Variants in NBEA observed in about 807,000 individuals in gnomAD.
NBEA encodes the protein neurobeachin.
In NBEA, 44 loss-of-function variants were observed where a neutral mutation model predicts 343.4. The ratio of observed to expected loss-of-function variants is 0.13; its 90% CI spans 0.10 to 0.16. The LOEUF (loss-of-function observed/expected upper bound fraction) is 0.16. Ranked by LOEUF, NBEA falls within the 10% of genes least tolerant of loss-of-function variation. The pLI is 1.00. For synonymous variants in NBEA, 1,175 were observed against 1,238.7 expected (o/e 0.95, Z 1.08); for missense variants, 2,555 against 3,631.3 (o/e 0.70, Z 7.62).
chr13:35,156,412 T>C (rs1376296179), intron 20 of NBEA, among the ~76,000 whole-genome samples: 2 of 152,142 alleles, frequency 1.3e-5, no homozygotes, highest in East Asian at 3.8e-4. Flanking sequence ...GTGGATATTA[T>C]ATTTTAATTG....
rs76567256 is a variant in NBEA at position 35,528,205 on chromosome 13, C to A, written c.6586-22272C>A. 1.5e-3 allele frequency among the ~76,000 whole-genome samples: 232 copies of A among 151,768 alleles called. 7 individuals carry two copies. In the East Asian group the frequency reaches 0.037, roughly 24 times the overall value. On this transcript the variant is annotated intron_variant, in intron 41 of 58. Transcript: ENST00000379939. ...TTATGATGACATTTAATAGAAGGGC[C>A]AGGCCACTCACATAGATTTTCAGAA...
intron 1 of NBEA, among the ~76,000 whole-genome samples, chr13:35,011,928 G>A (rs572327954): frequency 6.6e-6 from 1 of 152,146 alleles, no homozygotes; most frequent in South Asian, 2.1e-4. Flanking sequence ...GTATTGCTCT[G>A]ATATTTAGCA....
intron 46 of NBEA, 152 bp from the exon 47 acceptor site, chr13:35,593,176 G>A: frequency 1.5e-6 from 1 of 688,344 alleles, no homozygotes; most frequent in East Asian, 3.2e-5. Flanking sequence ...GCCCAGACAG[G>A]CATCTCCTAC....
intron 48 of NBEA, among the ~76,000 whole-genome samples, chr13:35,626,084 C>T (rs183450045): frequency 7.3e-4 from 111 of 152,194 alleles, no homozygotes; most frequent in Admixed American, 4.4e-3. Flanking sequence ...CCATGAGAAG[C>T]AATGGGCTAG....
At chr13:35,628,355 C>A in intron 49 of NBEA, 107 bp downstream of exon 49, 1 of 840,976 alleles carries the variant, frequency 1.2e-6, no homozygotes, top group Non-Finnish European at 1.7e-6. Flanking sequence ...TAACTTCTTA[C>A]AAAACAGATT....
intron 1 of NBEA, among the ~76,000 whole-genome samples, chr13:34,962,669 A>G (rs1199972227): frequency 6.6e-6 from 1 of 152,082 alleles, no homozygotes; most frequent in African/African-American, 2.4e-5. Context: ...TTTCTTAATG[A>G]AATAAACAAC....
chr13:35,376,504 C>G (rs1475727256), intron 38 of NBEA, among the ~76,000 whole-genome samples: 5 of 152,128 alleles, frequency 3.3e-5, no homozygotes, highest in Non-Finnish European at 5.9e-5. Flanking sequence ...AGTGACAACT[C>G]TTATTTCAGC....
At chr13:35,536,515 T>C (rs1222502692) in intron 41 of NBEA, among the ~76,000 whole-genome samples, 1 of 152,184 alleles carries the variant, frequency 6.6e-6, no homozygotes, top group African/African-American at 2.4e-5. Flanking sequence ...TGTGTGTGTA[T>C]TGGTCCTGTT....
intron 55 of NBEA, among the ~76,000 whole-genome samples, chr13:35,656,939 C>A (rs982744317): frequency 1.3e-5 from 2 of 152,142 alleles, no homozygotes; most frequent in African/African-American, 4.8e-5. Flanking sequence ...TGTTACATTG[C>A]GTGGCTGGCT....
rs560215661 is a variant in NBEA, at chr13:35,420,587, A to T, written c.6180-11682A>T. Among the ~76,000 whole-genome samples the T allele has an allele frequency of 4.6e-5, 7 of 152,122 alleles. No individual in the cohort carries two copies. The South Asian group carries it at 1.4e-3, about 32-fold the overall frequency. On this transcript the variant is annotated intron_variant, in intron 38 of 58. Coordinates refer to ENST00000379939, the MANE Select transcript of NBEA (RefSeq NM_001385012.1). ...TCTGGAAGAGATTATGTATAATTGG[A>T]GTTAATTCTTCTTTAAATGTTTAAT...
At position 35,097,243 on chromosome 13, in the gene NBEA, C is replaced by T. The variant is rs544714057; in HGVS notation, c.1572-1054C>T. 3.3e-5 allele frequency among the ~76,000 whole-genome samples: 5 copies of T among 151,820 alleles called. No homozygotes were observed. The South Asian group carries it at 1.0e-3, about 32-fold the overall frequency. On this transcript the variant is annotated intron_variant, in intron 10 of 58. Transcript: ENST00000379939. Reference sequence around the variant, plus strand: ...TCAAAAATTAGAATAACTTCAGATTCCTTTTGGGCTTTAATAATTTTCAAG... The same window carrying T: ...TCAAAAATTAGAATAACTTCAGATTTCTTTTGGGCTTTAATAATTTTCAAG...
intron 38 of NBEA, among the ~76,000 whole-genome samples, chr13:35,400,915 G>A (rs1305448314): frequency 2.0e-5 from 3 of 151,738 alleles, no homozygotes; most frequent in Non-Finnish European, 4.4e-5. Flanking sequence ...TGTACTCCGA[G>A]GTTAAGTAGC....
chr13:35,556,597 T>C (rs893264376), intron 44 of NBEA, among the ~76,000 whole-genome samples: 3 of 152,082 alleles, frequency 2.0e-5, no homozygotes, highest in African/African-American at 7.2e-5. Context: ...TGATTTAAAA[T>C]GTAAGCACCT....
At chr13:35,155,132 T>TG (rs1235313614) in intron 18 of NBEA, among the ~76,000 whole-genome samples, 1 of 61,864 alleles carries the variant, frequency 1.6e-5, no homozygotes, top group Non-Finnish European at 2.9e-5. Context: ...ATTCTGTCTC[T>TG]AAAAAAAAAA....
Position 35,070,737 on chromosome 13 carries a change from A to C in NBEA, c.1456A>C (p.Thr486Pro), listed in dbSNP as rs747237483. 1 of 1,592,558 alleles carries C rather than the reference A, an allele frequency of 6.3e-7. No individual in the cohort carries two copies. Among genetic ancestry groups the C allele is most frequent in the Admixed American group, 1.7e-5 (1 of 59,342 alleles). ...GACATAGGATGTGAAAGCGATAGTAACACATTCAATTCATAGTGCAATTCA... is the reference window on the plus strand; with the variant it reads ...GACATAGGATGTGAAAGCGATAGTACCACATTCAATTCATAGTGCAATTCA... ...LMLQDVKAIV[T>P]HSIHSAIHSI... is the part of the protein sequence containing the mutation. The change falls in exon 10 of 59, where the codon ACA (threonine) becomes CCA (proline). Residue 486 changes from threonine to proline, a missense_variant. By Grantham distance (38) the Thr-to-Pro change is conservative. Around this residue, in one of 21 missense-constraint regions of NBEA, gnomAD observed 360 missense variants for 519.1 expected, o/e 0.69. Coordinates refer to ENST00000379939, the MANE Select transcript of NBEA (RefSeq NM_001385012.1).
At chr13:35,602,675 G>T (rs2082105969) in intron 47 of NBEA, among the ~76,000 whole-genome samples, 1 of 152,164 alleles carries the variant, frequency 6.6e-6, no homozygotes, top group African/African-American at 2.4e-5. Context: ...CCTAATTTAT[G>T]ACCACATTTG....
intron 45 of NBEA, among the ~76,000 whole-genome samples, chr13:35,581,652 A>T (rs1432412315): frequency 1.4e-5 from 2 of 146,694 alleles, no homozygotes; most frequent in Non-Finnish European, 3.0e-5. Context: ...CAAACACCAC[A>T]TATTCTCACT....
chr13:35,059,410 A>G (rs2063381104), intron 8 of NBEA, among the ~76,000 whole-genome samples: 1 of 151,918 alleles, frequency 6.6e-6, no homozygotes, highest in Non-Finnish European at 1.5e-5. Context: ...AAACTTTAAA[A>G]ACAAAGACTC....
At chr13:35,310,322 G>A (rs1194012782) in intron 36 of NBEA, among the ~76,000 whole-genome samples, 5 of 152,038 alleles carry the variant, frequency 3.3e-5, no homozygotes, top group East Asian at 1.9e-4. Flanking sequence ...GGTTTAAACC[G>A]TAATGGTTAC....
Sources: allele counts gnomAD v4.1 joint callset (sites outside exome capture counted in the v4.1 genomes callset), GRCh38; gene constraint gnomAD v4.1.1; regional missense constraint gnomAD v4.1.1; transcripts MANE v1.5; gene names NCBI Gene and HGNC (gene_info 2026-07-23, HGNC 2026-07-21).